The following PRKCE variants were observed in gnomAD, a reference collection of about 807,000 sequenced individuals.
The protein encoded by PRKCE is protein kinase C epsilon type.
In PRKCE, 16 loss-of-function variants were observed where a neutral mutation model predicts 85.4. The ratio of observed to expected loss-of-function variants is 0.19; its 90% confidence interval spans 0.13 to 0.28. The LOEUF (loss-of-function observed/expected upper bound fraction) is 0.28, where lower values mean the gene tolerates loss of function less well. Ranked by LOEUF, PRKCE falls within the 10% of genes least tolerant of loss-of-function variation. The probability of loss-of-function intolerance (pLI) is 1.00; values close to 1 mark genes in which losing one functional copy is unlikely to be tolerated. For synonymous variants in PRKCE, 388 were observed against 371.5 expected, an observed-to-expected ratio of 1.04 and a Z score of -0.51; for missense variants, 573 against 975.2, an observed-to-expected ratio of 0.59 and a Z score of 5.49.
intron 11 of PRKCE, among the ~76,000 whole-genome samples, chr2:46,144,263 C>T (rs1381308020): frequency 6.6e-6 from 1 of 152,162 alleles, no homozygotes; most frequent in Non-Finnish European, 1.5e-5. Flanking sequence ...CTTGCTGCCT[C>T]CAGACCTTTC....
At position 45,976,499 on chromosome 2, in the gene PRKCE, G is replaced by A. The variant is rs956867047; in HGVS notation, c.483G>A (p.Arg161=). Residue 161 remains arginine (R), a synonymous_variant, in exon 3 of 15, where the codon AGG becomes AGA. Coordinates refer to ENST00000306156, the MANE Select transcript of PRKCE (RefSeq NM_005400.3). ...CGAGGAAGCGGCAGGGGGCCGTCAG[G>A]CGCAGGGTCCATCAGGTCAACGGCC... The part of the protein sequence containing the change: ...MRPRKRQGAV[R]RRVHQVNGHK... The A allele has an allele frequency of 1.3e-6, 2 of 1,599,654 alleles. No homozygotes were observed. The highest frequency in any genetic ancestry group is 1.7e-6 in the Non-Finnish European group (2 of 1,179,978).
intron 10 of PRKCE, among the ~76,000 whole-genome samples, chr2:46,024,325 A>G (rs1222967639): frequency 1.4e-5 from 2 of 144,568 alleles, no homozygotes; most frequent in Admixed American, 6.9e-5. Context: ...TTTTTTTTGC[A>G]GAGGCAATAG....
intron 1 of PRKCE, among the ~76,000 whole-genome samples, chr2:45,656,246 T>C (rs550533316): frequency 6.6e-6 from 1 of 152,378 alleles, no homozygotes; most frequent in South Asian, 2.1e-4. Context: ...AACTTTTCTT[T>C]GTTCACATTA....
chr2:46,048,839 A>G (rs1708682725), intron 10 of PRKCE, among the ~76,000 whole-genome samples: 1 of 152,164 alleles, frequency 6.6e-6, no homozygotes. Context: ...GACTCAACTC[A>G]GTGTGACTCT....
chr2:46,066,014 G>A (rs13430452), intron 10 of PRKCE, among the ~76,000 whole-genome samples: 2 of 152,024 alleles, frequency 1.3e-5, no homozygotes, highest in Non-Finnish European at 2.9e-5. Flanking sequence ...TCCAGCATCC[G>A]TCAAGACTAT....
chr2:45,653,889 T>A (rs549649229), intron 1 of PRKCE, among the ~76,000 whole-genome samples: 36 of 152,356 alleles, frequency 2.4e-4, no homozygotes, highest in Admixed American at 4.6e-4. Flanking sequence ...ATGTCCCTCA[T>A]CTCTGCTTCC....
intron 1 of PRKCE, among the ~76,000 whole-genome samples, chr2:45,818,281 C>G (rs1176388025): frequency 6.6e-6 from 1 of 152,164 alleles, no homozygotes; most frequent in Non-Finnish European, 1.5e-5. Flanking sequence ...AAAAATCAAT[C>G]TTGTGACTTG....
intron 2 of PRKCE, among the ~76,000 whole-genome samples, chr2:45,950,943 G>T (rs1045940056): frequency 6.6e-6 from 1 of 152,070 alleles, no homozygotes; most frequent in Non-Finnish European, 1.5e-5. Flanking sequence ...TGCCCACTTG[G>T]TGGCTCCCGA....
At chr2:46,121,467 C>T (rs1022996732) in intron 11 of PRKCE, among the ~76,000 whole-genome samples, 1 of 152,208 alleles carries the variant, frequency 6.6e-6, no homozygotes, top group Non-Finnish European at 1.5e-5. Flanking sequence ...ACAGTCATTG[C>T]CTGTCTTTGA....
At chr2:46,171,710 G>A (rs1006998027) in intron 14 of PRKCE, among the ~76,000 whole-genome samples, 30 of 152,198 alleles carry the variant, frequency 2.0e-4, no homozygotes, top group South Asian at 1.0e-3. Context: ...TACAAGAGCC[G>A]GGTGTTGAAG....
chr2:46,101,732 T>C (rs1191635946), intron 11 of PRKCE, among the ~76,000 whole-genome samples: 1 of 152,118 alleles, frequency 6.6e-6, no homozygotes, highest in East Asian at 1.9e-4. Flanking sequence ...CGCTGTTTTA[T>C]AGATGACTAA....
chr2:45,654,598 C>T (rs1675294246), intron 1 of PRKCE, among the ~76,000 whole-genome samples: 1 of 152,212 alleles, frequency 6.6e-6, no homozygotes, highest in African/African-American at 2.4e-5. Flanking sequence ...TGTGCTGTGT[C>T]CCTGACATTT....
Position 46,068,346 on chromosome 2 carries a change from C to T in PRKCE, c.1438-17862C>T, listed in dbSNP as rs1393581298. 6.6e-6 allele frequency among the ~76,000 whole-genome samples: 1 copy of T among 152,134 alleles called. No individual in the cohort carries two copies. The highest frequency in any genetic ancestry group is 1.5e-5 in the Non-Finnish European group (1 of 68,020). On this transcript the variant is annotated intron_variant, in intron 10 of 14. Transcript: ENST00000306156. This position sits in a 1 kb window ranked among gnomAD's most constrained non-coding sequence, Gnocchi z 4.3. Reference sequence around the variant, plus strand: ...ATAAAACAGTGTTGAATTAGGTTTTCTAGAGTAATGGTGCTCACCCACCTT... The same window carrying T: ...ATAAAACAGTGTTGAATTAGGTTTTTTAGAGTAATGGTGCTCACCCACCTT...
chr2:45,771,620 C>T (rs978814944), intron 1 of PRKCE, among the ~76,000 whole-genome samples: 1 of 152,142 alleles, frequency 6.6e-6, no homozygotes, highest in Non-Finnish European at 1.5e-5. Context: ...CTTCCTCCCC[C>T]TTTGTCTTTT....
chr2:46,174,864 A>AT (rs1157904901), intron 14 of PRKCE, among the ~76,000 whole-genome samples: 5 of 151,438 alleles, frequency 3.3e-5, no homozygotes, highest in African/African-American at 9.7e-5. Context: ...TAATTTTTGT[A>AT]TTTTTTTGTA....
At chr2:46,091,156 C>A (rs1019914129) in intron 11 of PRKCE, among the ~76,000 whole-genome samples, 2 of 148,452 alleles carry the variant, frequency 1.3e-5, no homozygotes, top group African/African-American at 2.5e-5. Context: ...AGGGGGAGGG[C>A]TGGGTGGGGG....
At chr2:45,826,622 G>T (rs1186823974) in intron 1 of PRKCE, among the ~76,000 whole-genome samples, 10 of 152,134 alleles carry the variant, frequency 6.6e-5, no homozygotes. Context: ...CTTCAGATCT[G>T]TAGATGCAGC....
intron 4 of PRKCE, among the ~76,000 whole-genome samples, chr2:45,980,000 C>A (rs1376491763): frequency 6.6e-6 from 1 of 152,062 alleles, no homozygotes; most frequent in Non-Finnish European, 1.5e-5. Context: ...TTTTCCTTGA[C>A]CTTGGCGTAT....
At chr2:45,835,655 A>G (rs577050584) in intron 1 of PRKCE, among the ~76,000 whole-genome samples, 158 of 151,016 alleles carry the variant, frequency 1.0e-3, no homozygotes, top group African/African-American at 3.6e-3. Context: ...CAGTTGTGAA[A>G]TCATAGCTCA....
Sources: allele counts gnomAD v4.1 joint callset (sites outside exome capture counted in the v4.1 genomes callset), GRCh38; gene constraint gnomAD v4.1.1; non-coding constraint Gnocchi (gnomAD v3.1); transcripts MANE v1.5; gene names NCBI Gene and HGNC (gene_info 2026-07-23, HGNC 2026-07-21).